The following EIF3B variants were observed in gnomAD, a reference collection of about 807,000 sequenced individuals.
EIF3B encodes eukaryotic translation initiation factor 3 subunit 9.
Under a neutral mutation model 104.6 loss-of-function variants are expected in EIF3B, and 10 were observed. The observed-to-expected ratio is 0.10, with a 90% CI of 0.06 to 0.16. The LOEUF (loss-of-function observed/expected upper bound fraction) is 0.16, where lower values mean the gene tolerates loss of function less well. EIF3B is among the 10% of genes least tolerant of loss of function. The pLI is 1.00. For missense variants in EIF3B, 1,014 were observed against 1,087.9 expected (o/e 0.93, Z 0.96); for synonymous variants, 542 against 417.2 (o/e 1.30, Z -3.65).
intron 14 of EIF3B, chr7:2,376,332 TAA>T (rs35412534): frequency 0.046 from 5,754 of 125,210 alleles, 299 homozygotes; most frequent in African/African-American, 0.14. Context: ...CTAGCCCCAT[TAA>T]AAAAAAAAAA....
At chr7:2,367,630 C>T (rs1236755793) in intron 9 of EIF3B, among the ~76,000 whole-genome samples, 3 of 151,456 alleles carry the variant, frequency 2.0e-5, no homozygotes, top group African/African-American at 4.9e-5. Flanking sequence ...CCACCAAGCC[C>T]GGCTAATTTT....
chr7:2,362,678 C>T lies in EIF3B; in HGVS notation c.726C>T (p.His242=), dbSNP rs146230401. The T allele has an allele frequency of 6.1e-4, 977 of 1,614,244 alleles. No homozygotes were observed. Among genetic ancestry groups the T allele is most frequent in the Non-Finnish European group, 7.8e-4 (926 of 1,180,042 alleles). The change falls in exon 3 of 19, where the codon CAC becomes CAT. Residue 242 remains histidine (H), a synonymous_variant. Transcript: ENST00000360876. ...YIFLEYASPA[H]AVDAVKNADG... The stretch of plus-strand genomic sequence containing the variant: ...TCCTGGAGTACGCGTCCCCTGCCCA[C>T]GCTGTGGATGCTGTGAAGAACGCCG...
intron 2 of EIF3B, among the ~76,000 whole-genome samples, 155 bp downstream of exon 2, chr7:2,361,057 C>T (rs1030969975): frequency 2.0e-5 from 3 of 152,146 alleles, no homozygotes; most frequent in Non-Finnish European, 4.4e-5. Context: ...CTATCCAGAG[C>T]AGTGAATGAG....
chr7:2,358,458 G>A (rs962621887), intron 1 of EIF3B, among the ~76,000 whole-genome samples: 1 of 152,002 alleles, frequency 6.6e-6, no homozygotes, highest in Non-Finnish European at 1.5e-5. Context: ...ACCATGCCCA[G>A]CCAACTTTTG....
intron 10 of EIF3B, among the ~76,000 whole-genome samples, chr7:2,370,852 A>G (rs1009812155): frequency 6.6e-6 from 1 of 152,218 alleles, no homozygotes; most frequent in Non-Finnish European, 1.5e-5. Context: ...GAGGCGGGGC[A>G]TCACAAGGTC....
chr7:2,355,608 C>T (rs915468056), intron 1 of EIF3B, among the ~76,000 whole-genome samples, 188 bp downstream of exon 1: 1 of 152,268 alleles, frequency 6.6e-6, no homozygotes, highest in East Asian at 1.9e-4. Flanking sequence ...AGCCCAGCGC[C>T]TCCCCTTTTC....
chr7:2,360,965 G>C, intron 2 of EIF3B, 63 bp downstream of exon 2: 2 of 1,386,342 alleles, frequency 1.4e-6, no homozygotes, highest in South Asian at 1.3e-5. Flanking sequence ...AGGGAGTGTT[G>C]CAGGAGATCC....
intron 6 of EIF3B, among the ~76,000 whole-genome samples, chr7:2,365,663 GTT>G (rs1779971798): frequency 1.3e-5 from 1 of 78,724 alleles, no homozygotes; most frequent in Non-Finnish European, 2.2e-5. Context: ...TTGTTTGTTT[GTT>G]TGTTTGTTTG....
intron 11 of EIF3B, 143 bp downstream of exon 11, chr7:2,371,992 C>T (rs1583173167): frequency 1.5e-6 from 1 of 685,722 alleles, no homozygotes; most frequent in Non-Finnish European, 2.6e-6. Context: ...CTCCAGGTCA[C>T]AGAACGTGTT....
intron 1 of EIF3B, among the ~76,000 whole-genome samples, chr7:2,359,071 A>G (rs577555322): frequency 1.3e-5 from 2 of 151,368 alleles, no homozygotes; most frequent in African/African-American, 4.8e-5. Flanking sequence ...GAAAAAAAAA[A>G]GTTGTTTCAG....
In EIF3B at chr7:2,377,052, C is replaced by T; in HGVS notation, c.2131C>T (p.Leu711Phe). The change falls in exon 15 of 19, where the codon CTC becomes TTC. Residue 711 changes from leucine (L) to phenylalanine (F), a missense_variant. Around this residue, in one of 4 missense-constraint regions of EIF3B, gnomAD observed 266 missense variants for 324.0 expected, o/e 0.82. Transcript: ENST00000360876. ...GCTGTGGCGGCCCCGGCCTCCCACACTCCTGAGCCAGGAACAGATCAAGGT... is the reference window on the plus strand; with the variant it reads ...GCTGTGGCGGCCCCGGCCTCCCACATTCCTGAGCCAGGAACAGATCAAGGT... ...QLLWRPRPPTLLSQEQIKQIK... is the reference protein window; with the variant it reads ...QLLWRPRPPTFLSQEQIKQIK... The T allele has an allele frequency of 1.2e-6, 2 of 1,613,568 alleles. No homozygotes were observed. The highest frequency in any genetic ancestry group is 1.7e-6 in the Non-Finnish European group (2 of 1,179,920).
chr7:2,366,293 TAC>T, intron 6 of EIF3B, 22 bp from the exon 7 acceptor site: 1 of 1,579,834 alleles, frequency 6.3e-7, no homozygotes, highest in Middle Eastern at 2.0e-4. Flanking sequence ...GAGGATAGTG[TAC>T]AGTGTTGCCC....
intron 1 of EIF3B, among the ~76,000 whole-genome samples, chr7:2,356,066 A>G (rs1009233105): frequency 3.9e-5 from 6 of 152,226 alleles, no homozygotes; most frequent in Non-Finnish European, 8.8e-5. Context: ...ATTTACAGGC[A>G]TATTTTTGCT....
chr7:2,363,495 T>A (rs990695349), intron 4 of EIF3B, 137 bp from the exon 5 acceptor site: 24 of 757,040 alleles, frequency 3.2e-5, no homozygotes, highest in Non-Finnish European at 4.8e-5. Flanking sequence ...TGCTAGACGG[T>A]GTCTTGACTT....
At chr7:2,374,087 T>C (rs1780506768) in intron 12 of EIF3B, 1 of 154,224 alleles carries the variant, frequency 6.5e-6, no homozygotes, top group Non-Finnish European at 1.4e-5. Flanking sequence ...CGAGATCCAT[T>C]CCGGAAGTAA....
intron 16 of EIF3B, 66 bp downstream of exon 16, chr7:2,378,832 C>A: frequency 1.4e-6 from 2 of 1,396,142 alleles, no homozygotes; most frequent in Non-Finnish European, 2.0e-6. Context: ...GGCGGGGCTG[C>A]GGGGAGCTGC....
chr7:2,360,942 G>A, intron 2 of EIF3B, 40 bp downstream of exon 2: 8 of 1,523,554 alleles, frequency 5.3e-6, no homozygotes, highest in Non-Finnish European at 7.2e-6. Context: ...TCTGTGTCTG[G>A]CACGTCATGA....
intron 15 of EIF3B, 21 bp from the exon 16 acceptor site, chr7:2,378,668 G>A: frequency 6.2e-7 from 1 of 1,606,016 alleles, no homozygotes; most frequent in Non-Finnish European, 8.5e-7. Flanking sequence ...TAAATCCTGA[G>A]TGATGGGTCT....
Position 2,380,529 on chromosome 7 carries a change from G to A in EIF3B, c.*340G>A, listed in dbSNP as rs1201898517. On this transcript the variant is annotated 3_prime_UTR_variant, in exon 19 of 19. Coordinates refer to ENST00000360876, the MANE Select transcript of EIF3B (RefSeq NM_001037283.2). ...CGAAGACTTAGCGACGCCACTGGCG[G>A]CACCTTCTCCTGCGCCCAGTGATGT... 4 of 424,536 alleles carry A rather than the reference G, an allele frequency of 9.4e-6. No individual in the cohort carries two copies. The Admixed American group carries it at 1.1e-4, about 11-fold the overall frequency. The allele number at this position is 424,536 out of a possible 1,614,324, so 26.3% of individuals were successfully genotyped here.
Sources: gnomAD v4.1 joint callset for allele counts (sites outside exome capture counted in the v4.1 genomes callset) on GRCh38, gnomAD v4.1.1 for gene constraint, gnomAD v4.1.1 regional missense constraint, MANE v1.5 for transcripts, NCBI Gene and HGNC (gene_info 2026-07-23, HGNC 2026-07-21) for gene names.